CEP85L: variants seen among roughly 807,000 people sequenced by gnomAD.
The protein encoded by CEP85L is centrosomal protein 85L, also known as centrosomal protein of 85 kDa-like.
In CEP85L, 60 loss-of-function variants were observed where a neutral mutation model predicts 100.3. That is an observed-to-expected ratio of 0.60 (90% CI 0.49 to 0.74). The LOEUF (loss-of-function observed/expected upper bound fraction) is 0.74. Among genes scored for constraint, CEP85L ranks in the 30% least tolerant of loss-of-function variants. CEP85L has a pLI of 0.00. For synonymous variants in CEP85L, 319 were observed against 322.7 expected (o/e 0.99, Z 0.12); for missense variants, 973 against 936.2 (o/e 1.04, Z -0.51).
At position 118,565,627 on chromosome 6, in the gene CEP85L, G is replaced by C. The variant is rs1228526760; in HGVS notation, c.922C>G (p.Pro308Ala). Residue 308 changes from proline (P) to alanine (A), a missense_variant, in exon 3 of 13, where the codon CCT (proline) becomes GCT (alanine). Pro to Ala is a conservative substitution (Grantham distance 27). Coordinates refer to ENST00000368491, the MANE Select transcript of CEP85L (RefSeq NM_001042475.3). ...MWLTEQLRTN[P>A]LEGRNTEDSY... ...TCCTCTGTATTTCTACCTTCCAAAG[G>C]ATTTGTCCGCAGCTGCTCTGTAAGC... The C allele has an allele frequency of 5.0e-6, 8 of 1,614,202 alleles. No homozygotes were observed. The highest frequency in any genetic ancestry group is 6.8e-6 in the Non-Finnish European group (8 of 1,180,038).
chr6:118,702,874 T>G (rs1777460373), intron 1 of CEP85L, among the ~76,000 whole-genome samples: 1 of 151,766 alleles, frequency 6.6e-6, no homozygotes, highest in Admixed American at 6.6e-5. Flanking sequence ...CGGGCGCCTG[T>G]AGTCCCAGCT....
At chr6:118,618,532 G>A (rs971120249) in intron 2 of CEP85L, among the ~76,000 whole-genome samples, 1 of 151,992 alleles carries the variant, frequency 6.6e-6, no homozygotes, top group South Asian at 2.1e-4. Flanking sequence ...CCTTTTTTTG[G>A]TGCCTCTCAA....
intron 2 of CEP85L, among the ~76,000 whole-genome samples, chr6:118,604,695 T>C (rs1284151579): frequency 6.6e-6 from 1 of 152,200 alleles, no homozygotes; most frequent in Non-Finnish European, 1.5e-5. Context: ...CTAGGGGGCA[T>C]GGCTAACTCC....
intron 3 of CEP85L, among the ~76,000 whole-genome samples, chr6:118,528,047 T>A (rs1310744263): frequency 6.6e-6 from 1 of 152,114 alleles, no homozygotes; most frequent in East Asian, 1.9e-4. Context: ...GAAGCTATAT[T>A]TCACCTTATA....
rs760750734 is a variant in CEP85L at position 118,491,625 on chromosome 6, C to A, written c.1437+61G>T. ...GACACCTGACAGGGTAAATGACAGA[C>A]AAATAATTATATGCTGAGGAAATGT... On this transcript the variant is annotated intron_variant, in intron 6 of 12. Transcript: ENST00000368491. The A allele has an allele frequency of 5.1e-6, 8 of 1,562,722 alleles. No homozygotes were observed. The South Asian group carries it at 7.1e-5, about 14-fold the overall frequency.
intron 2 of CEP85L, among the ~76,000 whole-genome samples, chr6:118,580,368 AC>A (rs1225327630): frequency 6.6e-6 from 1 of 152,150 alleles, no homozygotes; most frequent in Non-Finnish European, 1.5e-5. Flanking sequence ...TACAACATTC[AC>A]TGAAGTGGTG....
chr6:118,529,263 C>G (rs1488050297), intron 3 of CEP85L, among the ~76,000 whole-genome samples: 1 of 152,146 alleles, frequency 6.6e-6, no homozygotes, highest in Non-Finnish European at 1.5e-5. Flanking sequence ...TTCTCTTACA[C>G]ATTTGATGAG....
upstream of CEP85L, among the ~76,000 whole-genome samples, chr6:118,655,496 G>T (rs1775758150): frequency 6.6e-6 from 1 of 152,202 alleles, no homozygotes; most frequent in Non-Finnish European, 1.5e-5. Flanking sequence ...TCATTTACTT[G>T]TTTGGGACAG....
rs1774446603 is a variant in CEP85L at position 118,489,984 on chromosome 6, T to TATAC, written c.1437+1701_1437+1702insGTAT. Among the ~76,000 whole-genome samples the TATAC allele has an allele frequency of 2.7e-5, 4 of 150,716 alleles. No individual in the cohort carries two copies. In the South Asian group the frequency reaches 8.3e-4, roughly 31 times the overall value. On this transcript the variant is annotated intron_variant, in intron 6 of 12. Transcript: ENST00000368491. ...ACACACATACGTGTGTGTATATATATACACACACACACGCACACACACACA... is the reference window on the plus strand; with the variant it reads ...ACACACATACGTGTGTGTATATATATATACACACACACACACGCACACACACACA...
intron 2 of CEP85L, among the ~76,000 whole-genome samples, chr6:118,625,383 G>T (rs9481840): frequency 0.71 from 107,448 of 151,730 alleles, 38,752 homozygotes; most frequent in African/African-American, 0.75. Context: ...ACGCCCGAGC[G>T]CCTATTCTCC....
At chr6:118,635,758 C>T (rs958794232) in intron 1 of CEP85L, among the ~76,000 whole-genome samples, 9 of 152,142 alleles carry the variant, frequency 5.9e-5, no homozygotes, top group Admixed American at 4.6e-4. Flanking sequence ...CACACCTCCA[C>T]CCTATTGATT....
intron 3 of CEP85L, among the ~76,000 whole-genome samples, chr6:118,541,392 T>TAA (rs1777897324): frequency 6.6e-6 from 1 of 152,232 alleles, no homozygotes; most frequent in Non-Finnish European, 1.5e-5. Context: ...GTAATTAAGT[T>TAA]GCCAGTAAAA....
chr6:118,498,251 T>C (rs1163486666), intron 5 of CEP85L, among the ~76,000 whole-genome samples: 1 of 152,116 alleles, frequency 6.6e-6, no homozygotes, highest in Non-Finnish European at 1.5e-5. Flanking sequence ...CCCAGTACTT[T>C]GAGAGGCTGA....
At chr6:118,545,153 A>G (rs1583017308) in intron 3 of CEP85L, among the ~76,000 whole-genome samples, 3 of 152,248 alleles carry the variant, frequency 2.0e-5, no homozygotes, top group Middle Eastern at 6.8e-3. Context: ...TTTAGTCATC[A>G]CTTATATTAA....
At chr6:118,545,120 G>A (rs145426631) in intron 3 of CEP85L, among the ~76,000 whole-genome samples, 303 of 152,220 alleles carry the variant, frequency 2.0e-3, no homozygotes, top group Middle Eastern at 6.8e-3. Flanking sequence ...CTGTATCTCT[G>A]TCTAAATATT....
chr6:118,589,357 T>C, intron 2 of CEP85L: 2 of 244,420 alleles, frequency 8.2e-6, no homozygotes, highest in South Asian at 1.4e-4. Context: ...AGGATGAATA[T>C]CCTCAGATGG....
chr6:118,650,553 C>A (rs920914382), intron 1 of CEP85L, among the ~76,000 whole-genome samples: 1 of 152,222 alleles, frequency 6.6e-6, no homozygotes, highest in Non-Finnish European at 1.5e-5. Flanking sequence ...TTGGCTACTG[C>A]AGGACGCGCC....
intron 1 of CEP85L, among the ~76,000 whole-genome samples, chr6:118,696,673 CAG>C (rs1438807825): frequency 1.3e-5 from 2 of 152,238 alleles, no homozygotes; most frequent in African/African-American, 2.4e-5. Flanking sequence ...TAAACCTCCA[CAG>C]AGTTTTTTGT....
At chr6:118,492,086 C>T (rs1383053738) in intron 5 of CEP85L, among the ~76,000 whole-genome samples, 1 of 151,988 alleles carries the variant, frequency 6.6e-6, no homozygotes, top group Non-Finnish European at 1.5e-5. Context: ...AAAACAGAAA[C>T]AATAAAGCCT....
Sources: allele counts gnomAD v4.1 joint callset (sites outside exome capture counted in the v4.1 genomes callset), GRCh38; gene constraint gnomAD v4.1.1; transcripts MANE v1.5; gene names NCBI Gene and HGNC (gene_info 2026-07-23, HGNC 2026-07-21).